SLC9D1: variants seen among roughly 807,000 people sequenced by gnomAD.
SLC9D1 encodes the protein solute carrier family 9 member D1.
the SLC9D1 span, among the ~76,000 whole-genome samples, chr13:113,537,828 T>C: frequency 1.3e-5 from 2 of 152,226 alleles, no homozygotes; most frequent in African/African-American, 4.8e-5. Context: ...CTGAATGCCA[T>C]GCGTTGAAAA....
chr13:113,491,549 C>CCT, the SLC9D1 span, among the ~76,000 whole-genome samples: 1 of 152,100 alleles, frequency 6.6e-6, no homozygotes, highest in East Asian at 1.9e-4. Flanking sequence ...GCTCACCTCC[C>CCT]CTCTCTCTCT....
At chr13:113,511,591 G>C in the SLC9D1 span, among the ~76,000 whole-genome samples, 1 of 152,230 alleles carries the variant, frequency 6.6e-6, no homozygotes, top group Non-Finnish European at 1.5e-5. Context: ...ACGCTGGACG[G>C]GTGGCCCCGG....
chr13:113,501,469 G>T, the SLC9D1 span, among the ~76,000 whole-genome samples: 5 of 152,242 alleles, frequency 3.3e-5, no homozygotes, highest in African/African-American at 1.2e-4. Flanking sequence ...TTCTGGTCTG[G>T]GGGGCAGGGG....
the SLC9D1 span, chr13:113,503,427 T>G: frequency 1.7e-6 from 2 of 1,182,328 alleles, no homozygotes; most frequent in East Asian, 2.3e-5. Context: ...TAGGGCATGA[T>G]TGTTGAGTTA....
At chr13:113,517,430 G>A in the SLC9D1 span, among the ~76,000 whole-genome samples, 38 of 152,172 alleles carry the variant, frequency 2.5e-4, no homozygotes, top group East Asian at 1.4e-3. Flanking sequence ...GGGTTTCACC[G>A]TGTTAGCCAG....
At chr13:113,493,140 A>G in the SLC9D1 span, among the ~76,000 whole-genome samples, 1 of 152,246 alleles carries the variant, frequency 6.6e-6, no homozygotes, top group African/African-American at 2.4e-5. Flanking sequence ...GGGAAATTTT[A>G]GTATAACTAC....
the SLC9D1 span, chr13:113,503,698 A>G: frequency 1.6e-6 from 1 of 639,170 alleles, no homozygotes; most frequent in Non-Finnish European, 2.7e-6. Flanking sequence ...TGTTTTTAGA[A>G]TAGAATATGA....
the SLC9D1 span, among the ~76,000 whole-genome samples, chr13:113,519,028 CTG>C: frequency 6.7e-6 from 1 of 149,388 alleles, no homozygotes; most frequent in Non-Finnish European, 1.5e-5. Context: ...CTTTTAAAAT[CTG>C]TTGATAACAG....
the SLC9D1 span, chr13:113,499,856 C>T: frequency 1.6e-6 from 1 of 611,230 alleles, no homozygotes; most frequent in Non-Finnish European, 2.5e-6. Flanking sequence ...TGCTAATGAA[C>T]ACTGATTGAT....
At chr13:113,506,098 C>T in the SLC9D1 span, 1 of 172,334 alleles carries the variant, frequency 5.8e-6, no homozygotes, top group Non-Finnish European at 1.2e-5. Flanking sequence ...GTCATCCTTG[C>T]CGTTAATCCT....
the SLC9D1 span, chr13:113,520,561 C>T: frequency 8.0e-6 from 10 of 1,247,682 alleles, no homozygotes; most frequent in Middle Eastern, 2.1e-4. Flanking sequence ...AATATTTTGA[C>T]TTTGGATACT....
chr13:113,534,046 A>C, the SLC9D1 span: 1 of 1,590,024 alleles, frequency 6.3e-7, no homozygotes, highest in Non-Finnish European at 8.5e-7. Flanking sequence ...CTTTCCCAGC[A>C]TTGTCGTGGA....
At chr13:113,496,043 A>G in the SLC9D1 span, 193,791 of 1,171,572 alleles carry the variant, frequency 0.17, 13,896 homozygotes, top group African/African-American at 0.38. Context: ...CTAGAGAGGG[A>G]GAGAGAGAGA....
chr13:113,511,429 G>A, the SLC9D1 span, among the ~76,000 whole-genome samples: 1 of 152,312 alleles, frequency 6.6e-6, no homozygotes, highest in Non-Finnish European at 1.5e-5. Flanking sequence ...GCAGGGTGCT[G>A]GAGCATGTGG....
At chr13:113,548,187 TG>T in the SLC9D1 span, 1 of 1,156,098 alleles carries the variant, frequency 8.6e-7, no homozygotes, top group South Asian at 1.4e-5. Flanking sequence ...CTACTTGACG[TG>T]TTATTCAGGG....
At chr13:113,536,095 C>T in the SLC9D1 span, among the ~76,000 whole-genome samples, 6 of 152,114 alleles carry the variant, frequency 3.9e-5, no homozygotes, top group South Asian at 4.1e-4. Flanking sequence ...AAAAAGTTTC[C>T]GGCTGGGCGC....
chr13:113,492,540 A>T, the SLC9D1 span, among the ~76,000 whole-genome samples: 1 of 152,218 alleles, frequency 6.6e-6, no homozygotes, highest in South Asian at 2.1e-4. Context: ...CTTCTCAATA[A>T]AATTGAGATT....
the SLC9D1 span, among the ~76,000 whole-genome samples, chr13:113,540,312 C>A: frequency 1.7e-4 from 26 of 152,330 alleles, no homozygotes; most frequent in African/African-American, 5.8e-4. Context: ...TGAGAAATCT[C>A]CAGACTTTCC....
the SLC9D1 span, among the ~76,000 whole-genome samples, chr13:113,498,947 GA>G: frequency 6.6e-6 from 1 of 152,134 alleles, no homozygotes; most frequent in Admixed American, 6.5e-5. Flanking sequence ...AGAAAGTAAA[GA>G]AACAAAACAA....
Sources: gnomAD v4.1 joint callset for allele counts (sites outside exome capture counted in the v4.1 genomes callset) on GRCh38, gnomAD v4.1.1 for gene constraint, MANE v1.5 for transcripts, NCBI Gene and HGNC (gene_info 2026-07-23, HGNC 2026-07-21) for gene names.